Variants in LAMA5 observed in about 807,000 individuals in gnomAD.
The protein encoded by LAMA5 is laminin subunit alpha 5, also known as laminin subunit alpha-5.
A neutral mutation model predicts 433.4 loss-of-function variants in LAMA5; 260 were observed. The observed-to-expected ratio is 0.60, with a 90% confidence interval of 0.54 to 0.66. The LOEUF is 0.66. Among genes scored for constraint, LAMA5 ranks in the 30% least tolerant of loss-of-function variants. LAMA5 has a pLI of 0.00. For missense variants in LAMA5, 5,378 were observed against 5,258.5 expected (o/e 1.02, Z -0.70); for synonymous variants, 2,620 against 2,226.6 (o/e 1.18, Z -4.97).
intron 6 of LAMA5, chr20:62,350,935 A>T (rs1329850018): frequency 9.8e-5 from 15 of 152,344 alleles, no homozygotes; most frequent in Admixed American, 9.8e-4. Context: ...GGGAGGGAGG[A>T]AAGGACGGAC....
At position 62,318,631 on chromosome 20, in the gene LAMA5, C is replaced by A. The variant is rs1333942821; in HGVS notation, c.7062G>T (p.Glu2354Asp). 2 of 1,610,476 alleles carry A rather than the reference C, an allele frequency of 1.2e-6. No individual in the cohort carries two copies. The highest frequency in any genetic ancestry group is 1.3e-5 in the African/African-American group (1 of 74,874). ...AAQRLLARVQ[E>D]QLSSLWEENQ... ...TCTCCTCCCAGAGGCTGCTCAGCTG[C>A]TCCTGCACCCGGGCCAGCACTAGCC... is the stretch of plus-strand genomic sequence containing the variant. The change falls in exon 53 of 80, where the codon GAG becomes GAT. Residue 2354 changes from glutamate to aspartate, a missense_variant. Transcript: ENST00000252999.
In LAMA5 at chr20:62,330,589, A is replaced by G. The variant is rs558269949; in HGVS notation, c.3878T>C (p.Val1293Ala). The change falls in exon 31 of 80, where the codon GTG (valine) becomes GCG (alanine). Residue 1293 changes from valine to alanine, a missense_variant. Val to Ala is a moderately conservative substitution (Grantham distance 64). Transcript: ENST00000252999. ...PQATVVFTTH[V>A]PTLGRYAFLL... ...GAAGGCATAGCGGCCCAGCGTGGGC[A>G]CATGGGTGGTGAAGACCACGGTGGC... 9 of 1,593,696 alleles carry G rather than the reference A, an allele frequency of 5.6e-6. No homozygotes were observed. The highest frequency in any genetic ancestry group is 1.3e-5 in the African/African-American group (1 of 74,936).
chr20:62,334,161 C>G (rs1981085140), intron 22 of LAMA5, 25 bp downstream of exon 22: 1 of 1,605,358 alleles, frequency 6.2e-7, no homozygotes, highest in African/African-American at 1.3e-5. Context: ...TAGGCTGAGC[C>G]TGGGAGGGGG....
Position 62,346,778 on chromosome 20 carries a change from G to A in LAMA5, c.1095C>T (p.Ala365=), listed in dbSNP as rs760449227. 151 of 1,612,340 alleles carry A rather than the reference G, an allele frequency of 9.4e-5. No individual in the cohort carries two copies. Among genetic ancestry groups the A allele is most frequent in the Middle Eastern group, 8.2e-4 (5 of 6,082 alleles). Residue 365 remains alanine, a synonymous_variant, in exon 8 of 80, where the codon GCC becomes GCT. Transcript: ENST00000252999. ...CCTCAGGGTCGTAGTAACAGTCGGT[G>A]GCATGGCCGTAGCAGTTACAGGCTA... ...ECQSCNCYGH[A]TDCYYDPEVD...
At chr20:62,320,457 A>T in intron 50 of LAMA5, 102 bp downstream of exon 50, 1 of 853,778 alleles carries the variant, frequency 1.2e-6, no homozygotes, top group Middle Eastern at 3.3e-4. Context: ...GCACTGACAC[A>T]TGTACGAGGC....
In LAMA5 at chr20:62,351,761, C is replaced by A; in HGVS notation, c.899G>T (p.Cys300Phe). Residue 300 changes from cysteine (C) to phenylalanine (F), a missense_variant, in exon 6 of 80, where the codon TGT becomes TTT. Cys to Phe is a radical substitution (Grantham distance 205, BLOSUM62 -2). Transcript: ENST00000252999. Reference sequence around the variant, plus strand: ...GGCATCCGCGTGGCCGTGGCAGACACAGCGGCCTCCGATGCTGATATCCTT... The same window carrying A: ...GGCATCCGCGTGGCCGTGGCAGACAAAGCGGCCTCCGATGCTGATATCCTT... ...SIKDISIGGR[C>F]VCHGHADACD... 6.2e-7 allele frequency: 1 copy of A among 1,611,560 alleles called. No individual in the cohort carries two copies. The highest frequency in any genetic ancestry group is 8.5e-7 in the Non-Finnish European group (1 of 1,179,726).
chr20:62,330,779 G>T lies in LAMA5; in HGVS notation c.3816C>A (p.Asp1272Glu), dbSNP rs764478378. Residue 1272 changes from aspartate to glutamate, a missense_variant, in exon 30 of 80, where the codon GAC becomes GAA. By Grantham distance (45) the Asp-to-Glu change is conservative. Coordinates refer to ENST00000252999, the MANE Select transcript of LAMA5 (RefSeq NM_005560.6). ...GCAGCAGGGTGGGCTCTGCATCAGGGTCCACAGCGGTGGGGGGCCGAGGTC... is the reference window on the plus strand; with the variant it reads ...GCAGCAGGGTGGGCTCTGCATCAGGTTCCACAGCGGTGGGGGGCCGAGGTC... ...GPRPRPPTAV[D>E]PDAEPTLLRE... 1.3e-6 allele frequency: 2 copies of T among 1,563,598 alleles called. No individual in the cohort carries two copies. The highest frequency in any genetic ancestry group is 1.2e-5 in the South Asian group (1 of 85,006).
In LAMA5 at chr20:62,324,356, GA is replaced by G; in HGVS notation, c.5643+84del. On this transcript the variant is annotated intron_variant, in intron 42 of 79. Transcript: ENST00000252999. This position sits in a 1 kb window ranked among gnomAD's most constrained non-coding sequence, Gnocchi z 4.4. ...CCTTCCCCAGACCTCAGTTGACCTGGAAGTGCAGCCCCTGGTCTTCCCTGGC... is the reference window on the plus strand; with the variant it reads ...CCTTCCCCAGACCTCAGTTGACCTGGAGTGCAGCCCCTGGTCTTCCCTGGC... 1 of 1,428,378 alleles carries G rather than the reference GA, an allele frequency of 7.0e-7. No homozygotes were observed. The highest frequency in any genetic ancestry group is 2.4e-5 in the East Asian group (1 of 41,436). 88.5% of individuals were successfully genotyped at this position (1,428,378 alleles called of 1,614,324 possible).
intron 34 of LAMA5, 139 bp downstream of exon 34, chr20:62,328,705 C>A: frequency 1.1e-6 from 1 of 899,466 alleles, no homozygotes. Context: ...GTCCTGGGCC[C>A]AGGCCCGCAG....
Position 62,323,792 on chromosome 20 carries a change from C to G in LAMA5, c.5833G>C (p.Gly1945Arg), listed in dbSNP as rs1978768654. Residue 1945 changes from glycine to arginine, a missense_variant, in exon 44 of 80, where the codon GGT becomes CGT. Physicochemically the swap from Gly to Arg is moderately radical, Grantham distance 125. Coordinates refer to ENST00000252999, the MANE Select transcript of LAMA5 (RefSeq NM_005560.6). ...CCAGCTCACCGCTCGCAGGAGGCAC[C>G]TGCATAACCAGGTTTGCAGAGGCAC... Reference protein sequence around the residue: ...TQCLCKPGYAGASCERCAPGF... With the variant: ...TQCLCKPGYARASCERCAPGF... The G allele has an allele frequency of 6.2e-7, 1 of 1,610,418 alleles. No individual in the cohort carries two copies. The highest frequency in any genetic ancestry group is 8.5e-7 in the Non-Finnish European group (1 of 1,178,846).
chr20:62,361,430 G>A (rs559789131), intron 2 of LAMA5, among the ~76,000 whole-genome samples: 1 of 152,332 alleles, frequency 6.6e-6, no homozygotes, highest in East Asian at 1.9e-4. Context: ...GGCCAGGCCT[G>A]CAGACCACCA....
At position 62,336,517 on chromosome 20, in the gene LAMA5, G is replaced by A. The variant is rs1274152287; in HGVS notation, c.2218-72C>T. ...CACCCACAAACCATAGAGCCATAGA[G>A]CCCTGACAAGGGGTGGTGAGGGCTG... is the stretch of plus-strand genomic sequence containing the variant. On this transcript the variant is annotated intron_variant, in intron 17 of 79. Coordinates refer to ENST00000252999, the MANE Select transcript of LAMA5 (RefSeq NM_005560.6). 4.4e-6 allele frequency: 6 copies of A among 1,374,056 alleles called. No homozygotes were observed. In the East Asian group the frequency reaches 1.2e-4, roughly 27 times the overall value. The allele number at this position is 1,374,056 out of a possible 1,614,324, so 85.1% of individuals were successfully genotyped here. A position where few individuals can be genotyped will look rare whatever the true frequency, so the allele number is the denominator to read the frequency against.
Position 62,345,780 on chromosome 20 carries a change from G to A in LAMA5, c.1477+38C>T, listed in dbSNP as rs371174935. 50 of 1,491,866 alleles carry A rather than the reference G, an allele frequency of 3.4e-5. No homozygotes were observed. In the African/African-American group the frequency reaches 6.8e-4, roughly 20 times the overall value. 92.4% of individuals were successfully genotyped at this position (1,491,866 alleles called of 1,614,324 possible). A position where few individuals can be genotyped will look rare whatever the true frequency, so the allele number is the denominator to read the frequency against. On this transcript the variant is annotated intron_variant, in intron 11 of 79. Transcript: ENST00000252999. Reference sequence around the variant, plus strand: ...CTGTGAAGCCGCCCCCATGGCTCCAGGGCAGGCCGGGGACCTGGGGGCCTC... The same window carrying A: ...CTGTGAAGCCGCCCCCATGGCTCCAAGGCAGGCCGGGGACCTGGGGGCCTC...
chr20:62,338,436 A>G, intron 12 of LAMA5, 32 bp downstream of exon 12: 2 of 1,607,906 alleles, frequency 1.2e-6, no homozygotes, highest in Non-Finnish European at 1.7e-6. Flanking sequence ...CCTCGAGCGC[A>G]GGTAGAGGTT....
chr20:62,335,746 G>A (rs1396359373), intron 18 of LAMA5, among the ~76,000 whole-genome samples: 21 of 99,202 alleles, frequency 2.1e-4, no homozygotes, highest in African/African-American at 4.9e-4. Flanking sequence ...AGGAAACCCC[G>A]TACCCCAACA....
rs1986805216 is a variant in LAMA5, at chr20:62,366,994, C to G, written c.252G>C (p.Leu84=). Residue 84 remains leucine (L), a synonymous_variant, in exon 1 of 80, where the codon CTG becomes CTC. Transcript: ENST00000252999. ...CGCCGCCGGCCACGGGGCCCCCTAC[C>G]AGCTTGCAGTAAAGGTCCTCGGTGG... ...PRPTEDLYCK[L]VGGPVAGGDP... The G allele has an allele frequency of 7.8e-7, 1 of 1,279,812 alleles. No homozygotes were observed. The highest frequency in any genetic ancestry group is 9.9e-7 in the Non-Finnish European group (1 of 1,013,968). 79.3% of individuals were successfully genotyped at this position (1,279,812 alleles called of 1,614,324 possible). A position where few individuals can be genotyped will look rare whatever the true frequency, so the allele number is the denominator to read the frequency against.
chr20:62,364,244 T>C (rs372516650), intron 1 of LAMA5, among the ~76,000 whole-genome samples: 6 of 152,288 alleles, frequency 3.9e-5, no homozygotes, highest in African/African-American at 1.4e-4. Flanking sequence ...ACACAGGTCC[T>C]GCTCAGGGTG....
Position 62,312,959 on chromosome 20 carries a change from C to T in LAMA5, c.9007G>A (p.Asp3003Asn). ...GCCTTTTTCAGGCCAGCCCCAAAGT[C>T]ATACAACAGCACGAGGCTGCCTTCT... ...VQEGSLVLLY[D>N]FGAGLKKAVP... is the part of the protein sequence containing the mutation. Residue 3003 changes from aspartate (D) to asparagine (N), a missense_variant, in exon 66 of 80, where the codon GAC becomes AAC. By Grantham distance (23) the Asp-to-Asn change is conservative. Coordinates refer to ENST00000252999, the MANE Select transcript of LAMA5 (RefSeq NM_005560.6). 1 of 1,583,576 alleles carries T rather than the reference C, an allele frequency of 6.3e-7. No individual in the cohort carries two copies. The highest frequency in any genetic ancestry group is 8.6e-7 in the Non-Finnish European group (1 of 1,163,152).
At chr20:62,329,387 A>AGCCCTGG in intron 32 of LAMA5, 134 bp from the exon 33 acceptor site, 1 of 497,372 alleles carries the variant, frequency 2.0e-6, no homozygotes, top group Non-Finnish European at 3.4e-6. Context: ...AGCCCAGCCC[A>AGCCCTGG]GCCCTGGGCC....
Sources: gnomAD v4.1 joint callset for allele counts (sites outside exome capture counted in the v4.1 genomes callset) on GRCh38, gnomAD v4.1.1 for gene constraint, Gnocchi (gnomAD v3.1) non-coding constraint, MANE v1.5 for transcripts, NCBI Gene and HGNC (gene_info 2026-07-23, HGNC 2026-07-21) for gene names.